The following PDK1 variants were observed in gnomAD, a reference collection of about 807,000 sequenced individuals.
PDK1 encodes the protein pyruvate dehydrogenase kinase 1.
PDK1 carries 39 observed loss-of-function variants against 54.2 expected under a neutral mutation model. The observed-to-expected ratio is 0.72, with a 90% CI of 0.56 to 0.94. The LOEUF (loss-of-function observed/expected upper bound fraction) is 0.94. PDK1 is among the 40% of genes least tolerant of loss of function. PDK1 has a pLI of 0.00. For missense variants in PDK1, 552 were observed against 566.0 expected, an observed-to-expected ratio of 0.98 and a Z score of 0.25; for synonymous variants, 221 against 207.1, an observed-to-expected ratio of 1.07 and a Z score of -0.58.
chr2:172,622,659 GAT>G, the PDK1 span, among the ~76,000 whole-genome samples: 3 of 142,706 alleles, frequency 2.1e-5, no homozygotes, highest in Non-Finnish European at 3.1e-5. Context: ...TCTCATGTGA[GAT>G]ATGTTTATAT....
At chr2:172,579,361 G>C (rs1315908853) in intron 8 of PDK1, among the ~76,000 whole-genome samples, 1 of 152,182 alleles carries the variant, frequency 6.6e-6, no homozygotes, top group South Asian at 2.1e-4. Flanking sequence ...ATTGGAGGGA[G>C]GGGGAGCAGA....
the PDK1 span, among the ~76,000 whole-genome samples, chr2:172,698,607 T>G: frequency 1.3e-5 from 2 of 152,150 alleles, no homozygotes; most frequent in Non-Finnish European, 2.9e-5. Context: ...AAAACAGAGG[T>G]GACTGGGCTC....
At chr2:172,669,300 G>A in the PDK1 span, among the ~76,000 whole-genome samples, 5 of 151,960 alleles carry the variant, frequency 3.3e-5, no homozygotes, top group Non-Finnish European at 5.9e-5. Context: ...GCCCGCCTTG[G>A]CCTCCCAAAG....
At chr2:172,706,510 G>A in the PDK1 span, among the ~76,000 whole-genome samples, 1,709 of 151,108 alleles carry the variant, frequency 0.011, 35 homozygotes, top group African/African-American at 0.039. Context: ...CTGCAGCCTT[G>A]ACCTTGTCAG....
Position 172,556,318 on chromosome 2 carries a change from G to A in PDK1, c.168G>A (p.Pro56=), listed in dbSNP as rs370287848. The A allele has an allele frequency of 2.3e-5, 34 of 1,495,386 alleles. No homozygotes were observed. The highest frequency in any genetic ancestry group is 2.8e-5 in the Non-Finnish European group (32 of 1,129,860). 92.6% of individuals were successfully genotyped at this position (1,495,386 alleles called of 1,614,324 possible). A position where few individuals can be genotyped will look rare whatever the true frequency, so the allele number is the denominator to read the frequency against. ...TCTACGCGCGCTTCTCGCCGTCCCCGCTCTCCATGAAGCAGTTCCTGGACT... is the reference window on the plus strand; with the variant it reads ...TCTACGCGCGCTTCTCGCCGTCCCCACTCTCCATGAAGCAGTTCCTGGACT... ...VDFYARFSPS[P]LSMKQFLDFG... is the part of the protein sequence containing the mutation. Residue 56 remains proline, a synonymous_variant, in exon 1 of 11, where the codon CCG becomes CCA. Transcript: ENST00000282077.
rs564623224 is a variant in PDK1, at chr2:172,608,065, G to A, written c.*12096G>A. Reference sequence around the variant, plus strand: ...TTAGTTAATACTTGACTGACATTGAGACCCTTGATGCAAAAAGGTAAGTAG... The same window carrying A: ...TTAGTTAATACTTGACTGACATTGAAACCCTTGATGCAAAAAGGTAAGTAG... On this transcript the variant is annotated 3_prime_UTR_variant, in exon 11 of 11. Coordinates refer to ENST00000282077, the MANE Select transcript of PDK1 (RefSeq NM_002610.5). 1.3e-5 allele frequency: 2 copies of A among 152,252 alleles called. No homozygotes were observed. The highest frequency in any genetic ancestry group is 3.9e-4 in the East Asian group (2 of 5,180). The allele number at this position is 152,252 out of a possible 1,614,324, so 9.4% of individuals were successfully genotyped here.
At chr2:172,691,150 A>G in the PDK1 span, 1 of 150,244 alleles carries the variant, frequency 6.7e-6, no homozygotes, top group Non-Finnish European at 1.5e-5. Context: ...AGGCTCTCAG[A>G]AGTATTGAGC....
chr2:172,677,540 T>C, the PDK1 span: 1 of 152,184 alleles, frequency 6.6e-6, no homozygotes, highest in Admixed American at 6.5e-5. Flanking sequence ...GACAGCAACT[T>C]GCTCTGGATT....
chr2:172,701,084 A>G, the PDK1 span, among the ~76,000 whole-genome samples: 1 of 151,986 alleles, frequency 6.6e-6, no homozygotes, highest in Non-Finnish European at 1.5e-5. Context: ...TCTTAATTTA[A>G]TTTTTATTTG....
Position 172,564,957 on chromosome 2 carries a change from GT to G in PDK1, c.596-14del, listed in dbSNP as rs749363874. 1.3e-6 allele frequency: 2 copies of G among 1,561,060 alleles called. No individual in the cohort carries two copies. Among genetic ancestry groups the G allele is most frequent in the Non-Finnish European group, 1.8e-6 (2 of 1,132,772 alleles). On this transcript the variant is annotated intron_variant, in intron 4 of 10. Transcript: ENST00000282077. ...TTAGGTGGTTTAGCTTATTTTGTTG[GT>G]TTTTTTCCTTTTTGGATAGCTTTAT...
chr2:172,700,728 G>C, the PDK1 span, among the ~76,000 whole-genome samples: 1 of 152,146 alleles, frequency 6.6e-6, no homozygotes, highest in South Asian at 2.1e-4. Flanking sequence ...AGCACTGAGT[G>C]AGCGAGACTC....
Position 172,570,790 on chromosome 2 carries a change from A to T in PDK1, c.911A>T (p.His304Leu), listed in dbSNP as rs1183707418. ...GGTGTTTACCCCCCTATTCAAGTTC[A>T]TGTCACGCTGGGTAATGAGGATTTG... is the stretch of plus-strand genomic sequence containing the variant. ...NRGVYPPIQV[H>L]VTLGNEDLTV... The change falls in exon 8 of 11, where the codon CAT (histidine) becomes CTT (leucine). Residue 304 changes from histidine to leucine, a missense_variant. His to Leu is a moderately conservative substitution (Grantham distance 99). Coordinates refer to ENST00000282077, the MANE Select transcript of PDK1 (RefSeq NM_002610.5). The T allele has an allele frequency of 1.2e-6, 2 of 1,610,656 alleles. No homozygotes were observed. Among genetic ancestry groups the T allele is most frequent in the Non-Finnish European group, 1.7e-6 (2 of 1,177,110 alleles).
At chr2:172,573,035 TATAA>T in intron 8 of PDK1, among the ~76,000 whole-genome samples, 1 of 152,362 alleles carries the variant, frequency 6.6e-6, no homozygotes, top group East Asian at 1.9e-4. Flanking sequence ...TTTTGGTTAT[TATAA>T]ATAATATGGC....
intron 8 of PDK1, among the ~76,000 whole-genome samples, chr2:172,576,614 C>G (rs888781321): frequency 6.6e-6 from 1 of 151,956 alleles, no homozygotes; most frequent in African/African-American, 2.4e-5. Flanking sequence ...CATTTTACAA[C>G]TATAATTTTA....
At chr2:172,695,606 A>G in the PDK1 span, among the ~76,000 whole-genome samples, 1 of 152,174 alleles carries the variant, frequency 6.6e-6, no homozygotes, top group Non-Finnish European at 1.5e-5. Flanking sequence ...AGTATATGGC[A>G]AAGGTGATAG....
chr2:172,593,381 G>T (rs895571614), intron 10 of PDK1, among the ~76,000 whole-genome samples: 1 of 152,052 alleles, frequency 6.6e-6, no homozygotes, highest in East Asian at 1.9e-4. Flanking sequence ...TACTGCCAAG[G>T]CTTTTTTTTT....
At chr2:172,721,071 G>C in the PDK1 span, among the ~76,000 whole-genome samples, 1 of 152,280 alleles carries the variant, frequency 6.6e-6, no homozygotes, top group South Asian at 2.1e-4. Flanking sequence ...CAATTTGTTA[G>C]AAATTTTAGC....
chr2:172,595,869 A>G lies in PDK1; in HGVS notation c.1211A>G (p.Asn404Ser), dbSNP rs1489947812. The G allele has an allele frequency of 2.5e-6, 4 of 1,613,952 alleles. No individual in the cohort carries two copies. Among genetic ancestry groups the G allele is most frequent in the East Asian group, 4.5e-5 (2 of 44,886 alleles). The change falls in exon 11 of 11, where the codon AAC becomes AGC. Residue 404 changes from asparagine to serine, a missense_variant. By Grantham distance (46) the Asn-to-Ser change is conservative. Transcript: ENST00000282077. ...TDSIERLPVYNKAAWKHYNTN... is the reference protein window; with the variant it reads ...TDSIERLPVYSKAAWKHYNTN... ...TCAATAGAAAGACTCCCAGTGTATA[A>G]CAAAGCTGCCTGGAAGCATTACAAC...
chr2:172,700,508 TC>T, the PDK1 span, among the ~76,000 whole-genome samples: 2 of 148,248 alleles, frequency 1.3e-5, no homozygotes, highest in African/African-American at 5.0e-5. Context: ...GAGGTGCTCC[TC>T]ACTTCCCAGA....
Sources: gnomAD v4.1 joint callset for allele counts (sites outside exome capture counted in the v4.1 genomes callset) on GRCh38, gnomAD v4.1.1 for gene constraint, MANE v1.5 for transcripts, NCBI Gene and HGNC (gene_info 2026-07-23, HGNC 2026-07-21) for gene names.